Variants in CUX1 observed in about 807,000 individuals in gnomAD.
CUX1 encodes protein CASP.
In CUX1, 31 loss-of-function variants were observed where a neutral mutation model predicts 158.8. The observed-to-expected ratio is 0.20, with a 90% CI of 0.15 to 0.26. The LOEUF (loss-of-function observed/expected upper bound fraction) is 0.26, where lower values mean the gene tolerates loss of function less well. Among genes scored for constraint, CUX1 ranks in the 10% least tolerant of loss-of-function variants. CUX1 has a pLI of 1.00. For synonymous variants in CUX1, 879 were observed against 862.1 expected (o/e 1.02, Z -0.34); for missense variants, 1,589 against 2,014.6 (o/e 0.79, Z 4.04).
intron 8 of CUX1, among the ~76,000 whole-genome samples, chr7:102,137,630 C>T (rs1834049593): frequency 6.6e-6 from 1 of 151,964 alleles, no homozygotes. Flanking sequence ...GAGTGAATCT[C>T]CGTCAAAAAA....
chr7:101,909,547 A>G (rs1021405241), intron 1 of CUX1, among the ~76,000 whole-genome samples: 8 of 152,254 alleles, frequency 5.3e-5, no homozygotes, highest in African/African-American at 7.2e-5. Context: ...TGCAGGAACC[A>G]TGGCCGACCT....
chr7:102,208,016 C>T (rs988336973), intron 20 of CUX1, among the ~76,000 whole-genome samples: 8 of 152,006 alleles, frequency 5.3e-5, no homozygotes, highest in South Asian at 2.1e-4. Context: ...GGTGAAACCC[C>T]ATCTCTACAA....
intron 23 of CUX1, among the ~76,000 whole-genome samples, chr7:102,241,845 C>T (rs1179075930): frequency 6.6e-6 from 1 of 152,236 alleles, no homozygotes; most frequent in Non-Finnish European, 1.5e-5. Context: ...TAACACGCAC[C>T]TACAGCCCCA....
intron 8 of CUX1, among the ~76,000 whole-genome samples, chr7:102,156,043 C>T (rs1554505159): frequency 1.3e-5 from 2 of 152,174 alleles, no homozygotes; most frequent in African/African-American, 4.8e-5. Flanking sequence ...ATACAATGAA[C>T]ATTGAACCCG....
At chr7:101,915,834 G>A (rs1331938261) in intron 1 of CUX1, among the ~76,000 whole-genome samples, 3 of 152,146 alleles carry the variant, frequency 2.0e-5, no homozygotes, top group Non-Finnish European at 4.4e-5. Flanking sequence ...ATTCTGTTAT[G>A]GGAACAGAGT....
intron 8 of CUX1, among the ~76,000 whole-genome samples, chr7:102,132,424 T>C (rs1276019268): frequency 6.6e-6 from 1 of 152,062 alleles, no homozygotes; most frequent in Non-Finnish European, 1.5e-5. Flanking sequence ...ACATTTCTAC[T>C]ATGAGCATCT....
chr7:102,200,162 G>T lies in CUX1; in HGVS notation c.2052G>T (p.Val684=). The T allele has an allele frequency of 6.2e-7, 1 of 1,609,006 alleles. No homozygotes were observed. The highest frequency in any genetic ancestry group is 2.2e-5 in the East Asian group (1 of 44,604). The change falls in exon 17 of 24, where the codon GTG becomes GTT. Residue 684 remains valine (V), a synonymous_variant. Coordinates refer to ENST00000292535, the MANE Select transcript of CUX1 (RefSeq NM_181552.4). ...ILEQAKRELQ[V]QKTAEPAQPS... ...AGCAAGCCAAGAGGGAGCTCCAAGT[G>T]CAGAAAACTGGTACAGCTTCCATTT...
chr7:102,227,504 C>G lies in CUX1; in HGVS notation c.3268C>G (p.Pro1090Ala), dbSNP rs782593340. 1.2e-6 allele frequency: 2 copies of G among 1,614,146 alleles called. No homozygotes were observed. The highest frequency in any genetic ancestry group is 2.2e-5 in the South Asian group (2 of 91,086). The part of the protein sequence containing the change: ...PIEASKDSKP[P>A]EPSDPPASDS... Reference sequence around the variant, plus strand: ...CGAGGCGAGCAAGGACAGCAAGCCACCAGAGCCCAGTGACCCGCCAGCATC... The same window carrying G: ...CGAGGCGAGCAAGGACAGCAAGCCAGCAGAGCCCAGTGACCCGCCAGCATC... The change falls in exon 21 of 24, where the codon CCA becomes GCA. Residue 1090 changes from proline (P) to alanine (A), a missense_variant. Pro to Ala is a conservative substitution (Grantham distance 27). Coordinates refer to ENST00000292535, the MANE Select transcript of CUX1 (RefSeq NM_181552.4).
At chr7:102,235,776 C>T (rs748689803) in intron 22 of CUX1, among the ~76,000 whole-genome samples, 49 of 144,322 alleles carry the variant, frequency 3.4e-4, no homozygotes, top group Non-Finnish European at 6.7e-4. Context: ...CCCCCGTCCC[C>T]GCCACACACA....
chr7:102,105,186 C>A (rs1223388126), intron 6 of CUX1, among the ~76,000 whole-genome samples: 1 of 147,968 alleles, frequency 6.8e-6, no homozygotes, highest in African/African-American at 2.5e-5. Context: ...TACACACACA[C>A]ACACACACAC....
chr7:101,984,107 T>TATATAC (rs1563091804), intron 2 of CUX1, among the ~76,000 whole-genome samples: 3 of 37,452 alleles, frequency 8.0e-5, no homozygotes, highest in African/African-American at 3.0e-4. Flanking sequence ...TATATATATA[T>TATATAC]ATATATATAT....
In CUX1 at chr7:102,278,684, T is replaced by TAAAATATAAAATA. The variant is rs1554548450; in HGVS notation, c.1680+622_1680+623insATATAAAATAAAA. Among the ~76,000 whole-genome samples, 17 of 135,618 alleles carry TAAAATATAAAATA rather than the reference T, an allele frequency of 1.3e-4. 1 individual carries two copies. In the South Asian group the frequency reaches 1.5e-3, roughly 12 times the overall value. The allele number at this position is 135,618 out of a possible 152,430, so 89.0% of individuals were successfully genotyped here. A position where few individuals can be genotyped will look rare whatever the true frequency, so the allele number is the denominator to read the frequency against. ...AAATAAAATAAAATATAAAATAAAA[T>TAAAATATAAAATA]AAATAAAATAAAATAATAAAATAGT... On this transcript the variant is annotated intron_variant, in intron 18 of 22. Coordinates refer to the CUX1 transcript ENST00000292538.
In CUX1 at chr7:102,252,155, A is replaced by T; in HGVS notation, c.*3113A>T. 1.0e-6 allele frequency: 1 copy of T among 985,206 alleles called. No individual in the cohort carries two copies. The highest frequency in any genetic ancestry group is 1.2e-6 in the Non-Finnish European group (1 of 829,846). 61.0% of individuals were successfully genotyped at this position (985,206 alleles called of 1,614,324 possible). A position where few individuals can be genotyped will look rare whatever the true frequency, so the allele number is the denominator to read the frequency against. ...AAAAAAATAGAGATCCTAACCTTAGATCTTTGATGTGAAGCTAGCACTGTC... is the reference window on the plus strand; with the variant it reads ...AAAAAAATAGAGATCCTAACCTTAGTTCTTTGATGTGAAGCTAGCACTGTC... On this transcript the variant is annotated 3_prime_UTR_variant, in exon 24 of 24. Coordinates refer to ENST00000292535, the MANE Select transcript of CUX1 (RefSeq NM_181552.4).
chr7:101,935,092 C>T lies in CUX1; in HGVS notation c.141+18867C>T, dbSNP rs184124376. ...ACCTGCACGTACACATCCAGATGGC[C>T]GGTTCCTGCCTTTACTGATGACATT... On this transcript the variant is annotated intron_variant, in intron 2 of 23. Transcript: ENST00000292535. 2.2e-4 allele frequency among the ~76,000 whole-genome samples: 34 copies of T among 152,168 alleles called. No homozygotes were observed. The East Asian group carries it at 3.1e-3, about 14-fold the overall frequency.
intron 14 of CUX1, 30 bp downstream of exon 14, chr7:102,195,633 G>A: frequency 1.3e-6 from 2 of 1,571,884 alleles, no homozygotes; most frequent in Non-Finnish European, 1.7e-6. Context: ...CGCGTGTGCG[G>A]TGGTTGGTTC....
intron 1 of CUX1, among the ~76,000 whole-genome samples, chr7:101,903,857 A>G (rs1379289385): frequency 1.3e-5 from 2 of 152,116 alleles, no homozygotes; most frequent in African/African-American, 4.8e-5. Context: ...TTGATTCTTG[A>G]TGGAAATCTC....
At chr7:102,084,579 C>A (rs531273453) in intron 4 of CUX1, among the ~76,000 whole-genome samples, 1 of 144,934 alleles carries the variant, frequency 6.9e-6, no homozygotes, top group South Asian at 2.2e-4. Context: ...CCCGCCACCA[C>A]GCCTGGCTAA....
chr7:102,062,806 C>T (rs1825064454), intron 3 of CUX1, among the ~76,000 whole-genome samples: 1 of 150,574 alleles, frequency 6.6e-6, no homozygotes, highest in Non-Finnish European at 1.5e-5. Context: ...ACACATTTGT[C>T]TTTAAATGTA....
Position 101,893,158 on chromosome 7 carries a change from C to CTTTTTTTTT in CUX1, c.31-22938_31-22930dup, listed in dbSNP as rs10589615. Among the ~76,000 whole-genome samples, 13 of 64,954 alleles carry CTTTTTTTTT rather than the reference C, an allele frequency of 2.0e-4. 4 individuals are homozygous for CTTTTTTTTT. The highest frequency in any genetic ancestry group is 4.8e-4 in the Admixed American group (2 of 4,164). The allele number at this position is 64,954 out of a possible 152,430, so 42.6% of individuals were successfully genotyped here. On this transcript the variant is annotated intron_variant, in intron 1 of 23. Transcript: ENST00000292535. Reference sequence around the variant, plus strand: ...TTCTTTTTACTTTTTATTTTTATTACTTTTTTTTTTTTTTTTTTTTTTTTT... The same window carrying CTTTTTTTTT: ...TTCTTTTTACTTTTTATTTTTATTACTTTTTTTTTTTTTTTTTTTTTTTTTTTTTTTTTT...
Sources: allele counts gnomAD v4.1 joint callset (sites outside exome capture counted in the v4.1 genomes callset), GRCh38; gene constraint gnomAD v4.1.1; transcripts MANE v1.5; gene names NCBI Gene and HGNC (gene_info 2026-07-23, HGNC 2026-07-21).